FANCB: variants seen among roughly 807,000 people sequenced by gnomAD.
FANCB encodes the protein FA complementation group B, also known as Fanconi anemia group B protein.
Under a neutral mutation model 38.9 loss-of-function variants are expected in FANCB, and 5 were observed. The ratio of observed to expected loss-of-function variants is 0.13; its 90% CI spans 0.07 to 0.27. The LOEUF is 0.27. Among genes scored for constraint, FANCB ranks in the 10% least tolerant of loss-of-function variants. The probability of loss-of-function intolerance (pLI) is 1.00; values close to 1 mark genes in which losing one functional copy is unlikely to be tolerated. For missense variants in FANCB, 573 were observed against 602.7 expected, an observed-to-expected ratio of 0.95 and a Z score of 0.52; for synonymous variants, 236 against 215.4, an observed-to-expected ratio of 1.10 and a Z score of -0.84.
At chrX:14,716,035 T>A in the FANCB span, among the ~76,000 whole-genome samples, 8 of 111,600 alleles carry the variant, frequency 7.2e-5, no homozygotes, top group East Asian at 2.3e-3. Flanking sequence ...TTCTAAGCAC[T>A]GGGCACTGTG....
At chrX:14,799,378 C>G in the FANCB span, among the ~76,000 whole-genome samples, 1 of 112,145 alleles carries the variant, frequency 8.9e-6, no homozygotes, top group African/African-American at 3.2e-5. Flanking sequence ...TGGGGACCTC[C>G]TCTAGCCCAC....
downstream of FANCB, chrX:14,843,354 CAT>C: frequency 5.3e-6 from 2 of 377,325 alleles, no homozygotes; most frequent in Non-Finnish European, 9.1e-6. Flanking sequence ...TATCTCCAGA[CAT>C]AGCCAAATGC....
chrX:14,841,552 G>T (rs1465054974), downstream of FANCB, among the ~76,000 whole-genome samples: 4 of 111,763 alleles, frequency 3.6e-5, no homozygotes, highest in Non-Finnish European at 7.5e-5. Context: ...ATTCTTGAAG[G>T]GTCTACAGTT....
At chrX:14,813,015 G>A in the FANCB span, among the ~76,000 whole-genome samples, 6 of 96,365 alleles carry the variant, frequency 6.2e-5, no homozygotes, top group South Asian at 2.0e-3. Flanking sequence ...TTCAATATAC[G>A]CAAATCAATA....
At chrX:14,775,158 A>ATGTTT in the FANCB span, among the ~76,000 whole-genome samples, 3 of 28,475 alleles carry the variant, frequency 1.1e-4, no homozygotes, top group Non-Finnish European at 1.7e-4. Flanking sequence ...TATTTCTCTA[A>ATGTTT]TGTTTTTTTT....
the FANCB span, among the ~76,000 whole-genome samples, chrX:14,707,362 A>G: frequency 2.7e-5 from 3 of 111,458 alleles, no homozygotes; most frequent in African/African-American, 9.8e-5. Flanking sequence ...GTCCTTTCTC[A>G]TGGGCTGCTG....
the FANCB span, among the ~76,000 whole-genome samples, chrX:14,691,462 A>G: frequency 1.0e-3 from 113 of 111,854 alleles, no homozygotes; most frequent in Non-Finnish European, 1.8e-3. Flanking sequence ...ATCTCAACTT[A>G]AACTTTAGTG....
the FANCB span, among the ~76,000 whole-genome samples, chrX:14,806,728 A>G: frequency 2.7e-5 from 3 of 112,118 alleles, no homozygotes; most frequent in African/African-American, 9.7e-5. Context: ...TAGCCCATAT[A>G]AGAAAGTCAC....
the FANCB span, among the ~76,000 whole-genome samples, chrX:14,741,877 C>T: frequency 9.0e-6 from 1 of 111,315 alleles, no homozygotes; most frequent in Non-Finnish European, 1.9e-5. Context: ...GGGCTAATGT[C>T]CAATAGAGTT....
At chrX:14,829,537 C>A in the FANCB span, among the ~76,000 whole-genome samples, 1 of 111,439 alleles carries the variant, frequency 9.0e-6, no homozygotes, top group African/African-American at 3.3e-5. Context: ...TTTAGTATGG[C>A]TACCTTTATT....
intron 2 of FANCB, among the ~76,000 whole-genome samples, chrX:14,866,331 G>T (rs1215864497): frequency 8.9e-6 from 1 of 111,892 alleles, no homozygotes; most frequent in Non-Finnish European, 1.9e-5. Flanking sequence ...AATCATTCAA[G>T]CTTATTATAT....
chrX:14,799,174 A>G, the FANCB span, among the ~76,000 whole-genome samples: 1 of 112,361 alleles, frequency 8.9e-6, no homozygotes, highest in South Asian at 3.7e-4. Flanking sequence ...AAAGAAACCC[A>G]TAAAGATAGA....
At chrX:14,809,775 G>A in the FANCB span, among the ~76,000 whole-genome samples, 1 of 112,832 alleles carries the variant, frequency 8.9e-6, no homozygotes, top group Non-Finnish European at 1.9e-5. Context: ...CAAAAAGACA[G>A]CAGTAACCCC....
chrX:14,755,495 C>G, the FANCB span, among the ~76,000 whole-genome samples: 2 of 111,616 alleles, frequency 1.8e-5, no homozygotes, highest in African/African-American at 6.5e-5. Context: ...AACATTTCTA[C>G]GTACCAGTAC....
intron 7 of FANCB, among the ~76,000 whole-genome samples, chrX:14,845,591 A>C (rs2092373223): frequency 9.0e-6 from 1 of 111,680 alleles, no homozygotes; most frequent in African/African-American, 3.2e-5. Flanking sequence ...AAAGTAAGAC[A>C]AAAATTTTTT....
the FANCB span, among the ~76,000 whole-genome samples, chrX:14,711,095 G>A: frequency 2.7e-5 from 3 of 112,105 alleles, no homozygotes; most frequent in African/African-American, 9.7e-5. Flanking sequence ...GAACTCAAAA[G>A]AGCCCTTCAT....
chrX:14,857,487 T>C (rs971710030), intron 5 of FANCB, among the ~76,000 whole-genome samples: 3 of 111,676 alleles, frequency 2.7e-5, no homozygotes, highest in Admixed American at 9.5e-5. Flanking sequence ...TGGAGCTTTT[T>C]ATGGAAAATA....
the FANCB span, among the ~76,000 whole-genome samples, chrX:14,811,968 T>G: frequency 8.9e-6 from 1 of 111,805 alleles, no homozygotes; most frequent in Non-Finnish European, 1.9e-5. Flanking sequence ...AACTGTCTCT[T>G]AGACCACAGT....
In FANCB at chrX:14,852,226, T is replaced by G. The variant is rs191782945; in HGVS notation, c.1326+813A>C. On this transcript the variant is annotated intron_variant, in intron 6 of 9. Coordinates refer to ENST00000650831, the MANE Select transcript of FANCB (RefSeq NM_001018113.3). ...TCTTGTCACCCAGGCTGGAGTGCAA[T>G]GGCGCGATCTCAGCTCACTGCAACC... Among the ~76,000 whole-genome samples, 322 of 107,074 alleles carry G rather than the reference T, an allele frequency of 3.0e-3. 1 individual carries two copies. The highest frequency in any genetic ancestry group is 9.9e-3 in the African/African-American group (290 of 29,225). The allele number at this position is 107,074 out of a possible 115,157, so 93.0% of individuals were successfully genotyped here. A position where few individuals can be genotyped will look rare whatever the true frequency, so the allele number is the denominator to read the frequency against.
Sources: allele counts gnomAD v4.1 joint callset (sites outside exome capture counted in the v4.1 genomes callset), GRCh38; gene constraint gnomAD v4.1.1; transcripts MANE v1.5; gene names NCBI Gene and HGNC (gene_info 2026-07-23, HGNC 2026-07-21).